The following DEPDC5 variants were observed in gnomAD, a reference collection of about 807,000 sequenced individuals.
DEPDC5 encodes GATOR1 complex protein DEPDC5.
Under a neutral mutation model 217.3 loss-of-function variants are expected in DEPDC5, and 73 were observed. That is an observed-to-expected ratio of 0.34 (90% confidence interval 0.28 to 0.41). The LOEUF is 0.41. Ranked by LOEUF, DEPDC5 falls within the 10% of genes least tolerant of loss-of-function variation. The pLI, the probability that DEPDC5 is intolerant of heterozygous loss-of-function variation, is 1.00. For synonymous variants in DEPDC5, 733 were observed against 756.7 expected, an observed-to-expected ratio of 0.97 and a Z score of 0.51; for missense variants, 1,675 against 2,070.1, an observed-to-expected ratio of 0.81 and a Z score of 3.70.
intron 37 of DEPDC5, among the ~76,000 whole-genome samples, chr22:31,879,029 C>CAAAAAAAAAAAA (rs1264327219): frequency 4.4e-5 from 3 of 68,138 alleles, no homozygotes; most frequent in African/African-American, 1.6e-4. Context: ...GACTCCGTCT[C>CAAAAAAAAAAAA]AAAAAAAAAA....
At chr22:31,766,998 A>G (rs1037801061) in intron 6 of DEPDC5, among the ~76,000 whole-genome samples, 2 of 152,140 alleles carry the variant, frequency 1.3e-5, no homozygotes, top group Non-Finnish European at 2.9e-5. Context: ...TCCCTAATTT[A>G]TAGAGGTAGA....
chr22:31,809,980 TCA>T (rs1491146274), intron 19 of DEPDC5, among the ~76,000 whole-genome samples: 1 of 151,774 alleles, frequency 6.6e-6, no homozygotes, highest in Non-Finnish European at 1.5e-5. Context: ...AGACTCTGTC[TCA>T]AAAAAAAAGA....
chr22:31,816,017 C>G (rs1475883217), intron 21 of DEPDC5: 5 of 985,374 alleles, frequency 5.1e-6, no homozygotes, highest in Non-Finnish European at 6.0e-6. Flanking sequence ...TCTCATTTAC[C>G]GGTCGGGCGC....
intron 40 of DEPDC5, among the ~76,000 whole-genome samples, chr22:31,900,108 G>T (rs879555282): frequency 2.6e-5 from 4 of 151,970 alleles, no homozygotes; most frequent in African/African-American, 7.3e-5. Context: ...GTGCAGTGGC[G>T]CAATCTCAGC....
chr22:31,893,851 G>T, intron 39 of DEPDC5, 100 bp downstream of exon 39: 1 of 1,293,614 alleles, frequency 7.7e-7, no homozygotes, highest in South Asian at 1.9e-5. Context: ...TTTAGTTCAG[G>T]CTCTTATTAC....
At position 31,893,667 on chromosome 22, in the gene DEPDC5, T is replaced by C. The variant is rs777068353; in HGVS notation, c.4119T>C (p.Tyr1373=). 6.2e-6 allele frequency: 10 copies of C among 1,614,030 alleles called. No homozygotes were observed. The highest frequency in any genetic ancestry group is 8.5e-6 in the Non-Finnish European group (10 of 1,179,982). The change falls in exon 39 of 43, where the codon TAT becomes TAC. Residue 1373 remains tyrosine (Y), a synonymous_variant. Coordinates refer to ENST00000651528, the MANE Select transcript of DEPDC5 (RefSeq NM_001242896.3). ...ACCGGCTGGAGTGGTGCAGCTGTTA[T>C]TACCATGGCAACTTTTCTCTGAATG... ...RTDRLEWCSC[Y]YHGNFSLNAA...
At chr22:31,766,534 A>G (rs2082833204) in intron 5 of DEPDC5, 51 bp from the exon 6 acceptor site, 1 of 1,578,546 alleles carries the variant, frequency 6.3e-7, no homozygotes, top group Non-Finnish European at 8.7e-7. Flanking sequence ...CCTTCTGACT[A>G]TAAAGTGTGG....
At chr22:31,754,337 T>C (rs144467498) in intron 1 of DEPDC5, among the ~76,000 whole-genome samples, 173 bp downstream of exon 1, 1 of 152,244 alleles carries the variant, frequency 6.6e-6, no homozygotes, top group South Asian at 2.1e-4. Flanking sequence ...AGGGAAGGTC[T>C]GCTGAGAGTT....
Position 31,906,262 on chromosome 22 carries a change from G to A in DEPDC5, c.4577G>A (p.Arg1526Gln), listed in dbSNP as rs760341957. 8.1e-6 allele frequency: 13 copies of A among 1,613,926 alleles called. No individual in the cohort carries two copies. The highest frequency in any genetic ancestry group is 5.0e-5 in the Admixed American group (3 of 60,022). The change falls in exon 43 of 43, where the codon CGG becomes CAG. Residue 1526 changes from arginine (R) to glutamine (Q), a missense_variant. Arg to Gln is a conservative substitution (Grantham distance 43). Around this residue, in one of 11 missense-constraint regions of DEPDC5, gnomAD observed 182 missense variants for 290.1 expected, o/e 0.63. Transcript: ENST00000651528. The surrounding 1 kb of genome is among the most constrained non-coding windows in gnomAD (Gnocchi z 5.1). ...SKRKFSGQQR[R>Q]RRNSTSSTNQ... ...CGCAAGTTCTCAGGGCAGCAGCGGCGGCGGCGGAACTCCACCAGCTCCACC... is the reference window on the plus strand; with the variant it reads ...CGCAAGTTCTCAGGGCAGCAGCGGCAGCGGCGGAACTCCACCAGCTCCACC...
intron 24 of DEPDC5, among the ~76,000 whole-genome samples, chr22:31,825,514 A>G (rs2090072597): frequency 6.6e-6 from 1 of 152,064 alleles, no homozygotes; most frequent in Non-Finnish European, 1.5e-5. Context: ...ATGGCCCCCA[A>G]GTACCTCATC....
At chr22:31,815,507 C>T in intron 21 of DEPDC5, 1 of 653,460 alleles carries the variant, frequency 1.5e-6, no homozygotes, top group East Asian at 2.7e-5. Flanking sequence ...ACCTCTGCCT[C>T]CCAAGTAACT....
chr22:31,817,477 C>A, intron 21 of DEPDC5: 1 of 473,528 alleles, frequency 2.1e-6, no homozygotes, highest in South Asian at 1.5e-5. Flanking sequence ...TGAGCAGTTT[C>A]ATGGGTGGTT....
intron 24 of DEPDC5, among the ~76,000 whole-genome samples, chr22:31,826,285 G>C (rs918075407): frequency 2.0e-5 from 3 of 152,184 alleles, no homozygotes; most frequent in African/African-American, 7.2e-5. Flanking sequence ...GGGATTACAG[G>C]CATGAGCCAC....
chr22:31,820,625 TC>T (rs2089602833), intron 22 of DEPDC5, among the ~76,000 whole-genome samples: 1 of 152,112 alleles, frequency 6.6e-6, no homozygotes, highest in Admixed American at 6.6e-5. Flanking sequence ...CTGTGTCCTT[TC>T]CCCTCCATTA....
chr22:31,821,496 G>C lies in DEPDC5; in HGVS notation c.1871-6G>C. ...AATGATGCTCAGTGGTTCTTTATCT[G>C]GGTAGGGCCATCCGGAGAAGCCATC... On this transcript the variant is annotated splice_polypyrimidine_tract_variant and splice_region_variant and intron_variant, in intron 22 of 42. Transcript: ENST00000651528. The C allele has an allele frequency of 3.1e-6, 5 of 1,614,128 alleles. No homozygotes were observed. Among genetic ancestry groups the C allele is most frequent in the Non-Finnish European group, 4.2e-6 (5 of 1,179,964 alleles).
chr22:31,893,901 T>A, intron 39 of DEPDC5, 150 bp downstream of exon 39: 2 of 918,520 alleles, frequency 2.2e-6, no homozygotes, highest in Non-Finnish European at 3.0e-6. Context: ...TTAAAAAATT[T>A]AAACATAGTA....
chr22:31,820,588 A>G (rs575072178), intron 22 of DEPDC5, among the ~76,000 whole-genome samples: 6 of 152,224 alleles, frequency 3.9e-5, no homozygotes, highest in South Asian at 4.1e-4. Flanking sequence ...TATCTCTGCT[A>G]TAATCAGTCA....
intron 10 of DEPDC5, among the ~76,000 whole-genome samples, chr22:31,785,687 C>G (rs1026736058): frequency 6.6e-6 from 1 of 151,770 alleles, no homozygotes; most frequent in African/African-American, 2.4e-5. Flanking sequence ...GGAGGACTCT[C>G]ACTTCCTAAT....
chr22:31,804,170 G>C lies in DEPDC5; in HGVS notation c.1090G>C (p.Val364Leu). 1.2e-6 allele frequency: 2 copies of C among 1,614,040 alleles called. No homozygotes were observed. Among genetic ancestry groups the C allele is most frequent in the East Asian group, 2.2e-5 (1 of 44,888 alleles). ...KQRMIDNGIG[V>L]DLVCMGEQPL... ...GTCTTTTCTTTTTTTAGGAATTGGT[G>C]TGGATTTGGTGTGCATGGGAGAGCA... Residue 364 changes from valine to leucine, a missense_variant, in exon 16 of 43, where the codon GTG (valine) becomes CTG (leucine). By Grantham distance (32) the Val-to-Leu change is conservative. Around this residue, in one of 11 missense-constraint regions of DEPDC5, gnomAD observed 628 missense variants for 762.1 expected, o/e 0.82. Coordinates refer to ENST00000651528, the MANE Select transcript of DEPDC5 (RefSeq NM_001242896.3).
Sources: gnomAD v4.1 joint callset for allele counts (sites outside exome capture counted in the v4.1 genomes callset) on GRCh38, gnomAD v4.1.1 for gene constraint, gnomAD v4.1.1 regional missense constraint, Gnocchi (gnomAD v3.1) non-coding constraint, MANE v1.5 for transcripts, NCBI Gene and HGNC (gene_info 2026-07-23, HGNC 2026-07-21) for gene names.